CDHR1: variants seen among roughly 807,000 people sequenced by gnomAD.
CDHR1 encodes the protein cadherin related family member 1.
In CDHR1, 61 loss-of-function variants were observed where a neutral mutation model predicts 72.1. That is an observed-to-expected ratio of 0.85 (90% CI 0.69 to 1.05). The LOEUF (loss-of-function observed/expected upper bound fraction) is 1.05, where lower values mean the gene tolerates loss of function less well. CDHR1 is among the 50% of genes least tolerant of loss of function. The pLI is 0.00. For synonymous variants in CDHR1, 470 were observed against 448.1 expected, an observed-to-expected ratio of 1.05 and a Z score of -0.62; for missense variants, 1,186 against 1,115.7, an observed-to-expected ratio of 1.06 and a Z score of -0.90.
intron 9 of CDHR1, among the ~76,000 whole-genome samples, chr10:84,205,020 G>A (rs1439950219): frequency 6.6e-6 from 1 of 152,198 alleles, no homozygotes; most frequent in Non-Finnish European, 1.5e-5. Flanking sequence ...TCTCCCTAGT[G>A]CTAGCCCTAT....
chr10:84,205,140 C>G (rs1356924187), intron 9 of CDHR1, among the ~76,000 whole-genome samples: 1 of 152,174 alleles, frequency 6.6e-6, no homozygotes, highest in Non-Finnish European at 1.5e-5. Context: ...CTTCCCACAG[C>G]TGGGCAGCAA....
At chr10:84,210,217 TTTTTTGTTTTTTTTGTTTTTG>T (rs1302771687) in intron 12 of CDHR1, among the ~76,000 whole-genome samples, 15 of 151,976 alleles carry the variant, frequency 9.9e-5, no homozygotes, top group Non-Finnish European at 2.2e-4. Flanking sequence ...AAGACTCGTT[TTTTTTGTTTTTTTTGTTTTTG>T]TTTTTGTTTT....
chr10:84,203,955 T>G (rs576566631), intron 8 of CDHR1, among the ~76,000 whole-genome samples: 23 of 151,176 alleles, frequency 1.5e-4, no homozygotes, highest in South Asian at 1.1e-3. Context: ...TAGCCTGGAG[T>G]TGACCAGAGA....
At chr10:84,202,032 C>T (rs1022440260) in intron 7 of CDHR1, 112 bp downstream of exon 7, 16 of 798,290 alleles carry the variant, frequency 2.0e-5, no homozygotes, top group Middle Eastern at 2.2e-4. Flanking sequence ...ACATGATGGG[C>T]GTGGGGAAAT....
In CDHR1 at chr10:84,200,655, G is replaced by A. The variant is rs765592663; in HGVS notation, c.493G>A (p.Gly165Ser). 5 of 1,612,290 alleles carry A rather than the reference G, an allele frequency of 3.1e-6. No individual in the cohort carries two copies. Among genetic ancestry groups the A allele is most frequent in the Non-Finnish European group, 4.2e-6 (5 of 1,179,240 alleles). Reference protein sequence around the residue: ...FKVHAVDRDTGSGGSVTYFLQ... With the variant: ...FKVHAVDRDTSSGGSVTYFLQ... ...GGTCCATGCAGTGGACAGGGACACA[G>A]GCTCTGGAGGGAGTGTCACCTACTT... Residue 165 changes from glycine (G) to serine (S), a missense_variant, in exon 6 of 17, where the codon GGC becomes AGC. Transcript: ENST00000623527.
rs1447793218 is a variant in CDHR1 at position 84,194,669 on chromosome 10, T to C, written c.-92T>C. 2.0e-6 allele frequency: 2 copies of C among 1,014,318 alleles called. No homozygotes were observed. The highest frequency in any genetic ancestry group is 4.0e-5 in the Admixed American group (1 of 25,140). The allele number at this position is 1,014,318 out of a possible 1,614,324, so 62.8% of individuals were successfully genotyped here. A position where few individuals can be genotyped will look rare whatever the true frequency, so the allele number is the denominator to read the frequency against. ...GCTGCAGTCGCCGCTACCCCCATTG[T>C]GGTCTCTGCCCTCCCCGCGGGCCCA... On this transcript the variant is annotated 5_prime_UTR_variant, in exon 1 of 17. Transcript: ENST00000623527.
chr10:84,200,854 C>A lies in CDHR1; in HGVS notation c.525+167C>A, dbSNP rs571162149. 2.6e-5 allele frequency among the ~76,000 whole-genome samples: 4 copies of A among 152,294 alleles called. No homozygotes were observed. In the South Asian group the frequency reaches 8.3e-4, roughly 32 times the overall value. The stretch of plus-strand genomic sequence containing the variant: ...GGGATGTGAGAGGGACAGAAGCCTT[C>A]TTCCCCTGATGGGCCCATCCTGGCG... On this transcript the variant is annotated intron_variant, in intron 6 of 16. Transcript: ENST00000623527.
At chr10:84,205,529 C>G (rs1842208602) in intron 9 of CDHR1, among the ~76,000 whole-genome samples, 1 of 151,500 alleles carries the variant, frequency 6.6e-6, no homozygotes, top group South Asian at 2.1e-4. Context: ...CACACACACA[C>G]ACACACACAC....
Position 84,218,373 on chromosome 10 carries a change from TTGAG to T in CDHR1, c.*3753_*3756del, listed in dbSNP as rs1283498176. ...ATAAAATCGTGCACATGTACCCCTT[TTGAG>T]GCCTGAATGAGGTTCGGTTATTTAT... On this transcript the variant is annotated 3_prime_UTR_variant, in exon 17 of 17. Coordinates refer to ENST00000623527, the MANE Select transcript of CDHR1 (RefSeq NM_033100.4). 2.0e-6 allele frequency: 2 copies of T among 985,344 alleles called. No individual in the cohort carries two copies. Among genetic ancestry groups the T allele is most frequent in the Admixed American group, 1.2e-4 (2 of 16,268 alleles). The allele number at this position is 985,344 out of a possible 1,614,324, so 61.0% of individuals were successfully genotyped here.
Position 84,208,385 on chromosome 10 carries a change from G to T in CDHR1, c.1167+8G>T, listed in dbSNP as rs985435988. The T allele has an allele frequency of 1.9e-6, 3 of 1,613,922 alleles. No individual in the cohort carries two copies. The highest frequency in any genetic ancestry group is 1.7e-5 in the Admixed American group (1 of 60,000). Reference sequence around the variant, plus strand: ...GTCAATGACTCCGACCAGGTGTGTGGTCCTGCCCTCCGCTCTGCCTTCTCA... The same window carrying T: ...GTCAATGACTCCGACCAGGTGTGTGTTCCTGCCCTCCGCTCTGCCTTCTCA... On this transcript the variant is annotated splice_region_variant and intron_variant, in intron 11 of 16. Transcript: ENST00000623527.
intron 16 of CDHR1, among the ~76,000 whole-genome samples, chr10:84,213,617 T>C (rs182801860): frequency 9.8e-4 from 150 of 152,316 alleles, no homozygotes; most frequent in African/African-American, 3.5e-3. Flanking sequence ...CACACGGGTG[T>C]TGAAAAGCAG....
intron 5 of CDHR1, among the ~76,000 whole-genome samples, chr10:84,200,343 G>GT (rs1448393230): frequency 2.0e-5 from 3 of 152,100 alleles, no homozygotes; most frequent in Non-Finnish European, 2.9e-5. Flanking sequence ...TGGGGTCTTG[G>GT]TTTTTTTCTT....
rs772339499 is a variant in CDHR1 at position 84,214,609 on chromosome 10, G to A, written c.2568G>A (p.Lys856=). ...TTGAGAAGAAGAGTGTGCACAACAA[G>A]GCTTACTTCTAGTGTATGCCCTATG... ...QKFEKKSVHN[K]AYF is the part of the protein sequence containing the mutation. Residue 856 remains lysine (K), a synonymous_variant, in exon 17 of 17, where the codon AAG becomes AAA. Coordinates refer to ENST00000623527, the MANE Select transcript of CDHR1 (RefSeq NM_033100.4). The A allele has an allele frequency of 1.9e-6, 3 of 1,599,668 alleles. No individual in the cohort carries two copies. Among genetic ancestry groups the A allele is most frequent in the Non-Finnish European group, 2.5e-6 (3 of 1,179,916 alleles).
Position 84,204,386 on chromosome 10 carries a change from G to A in CDHR1, c.784-141G>A, listed in dbSNP as rs566046009. 3.5e-5 allele frequency: 24 copies of A among 686,440 alleles called. No homozygotes were observed. In the East Asian group the frequency reaches 6.2e-4, roughly 18 times the overall value. 42.5% of individuals were successfully genotyped at this position (686,440 alleles called of 1,614,324 possible). ...TTCGATCCCCCTGCAGAGGAGAGTA[G>A]GGCCATGCTCCACCGCCACGTAGAG... is the stretch of plus-strand genomic sequence containing the variant. On this transcript the variant is annotated intron_variant, in intron 8 of 16. Transcript: ENST00000623527.
At chr10:84,200,170 CAAAA>C (rs10583938) in intron 5 of CDHR1, among the ~76,000 whole-genome samples, 452 of 134,428 alleles carry the variant, frequency 3.4e-3, no homozygotes, top group Non-Finnish European at 4.4e-3. Flanking sequence ...AGCTCCATCT[CAAAA>C]AAAAAAAAAA....
intron 2 of CDHR1, among the ~76,000 whole-genome samples, 168 bp downstream of exon 2, chr10:84,195,757 A>G (rs984362313): frequency 1.3e-5 from 2 of 152,216 alleles, no homozygotes; most frequent in African/African-American, 4.8e-5. Context: ...CATTGCTGCC[A>G]TGGCGACTTA....
Position 84,210,851 on chromosome 10 carries a change from A to G in CDHR1, c.1321-150A>G, listed in dbSNP as rs7073864. The G allele has an allele frequency of 7.6e-3, 6,379 of 833,986 alleles. 244 individuals carry two copies. The African/African-American group carries it at 0.087, about 11-fold the overall frequency. The allele number at this position is 833,986 out of a possible 1,614,324, so 51.7% of individuals were successfully genotyped here. A position where few individuals can be genotyped will look rare whatever the true frequency, so the allele number is the denominator to read the frequency against. On this transcript the variant is annotated intron_variant, in intron 12 of 16. Coordinates refer to ENST00000623527, the MANE Select transcript of CDHR1 (RefSeq NM_033100.4). ...GGGAAGATGCCAGGCCTTAGAGGTGACCCTTACAGGAATAGCTGGTTGGCA... is the reference window on the plus strand; with the variant it reads ...GGGAAGATGCCAGGCCTTAGAGGTGGCCCTTACAGGAATAGCTGGTTGGCA...
intron 10 of CDHR1, among the ~76,000 whole-genome samples, chr10:84,206,976 A>T (rs1842237871): frequency 6.6e-6 from 1 of 152,150 alleles, no homozygotes; most frequent in South Asian, 2.1e-4. Context: ...AGGGAAAGGG[A>T]TGGGAGAGGG....
chr10:84,205,613 A>C, intron 9 of CDHR1: 1 of 620,732 alleles, frequency 1.6e-6, no homozygotes, highest in Non-Finnish European at 2.9e-6. Context: ...GGAGCTGGAC[A>C]GAAGTGAGTT....
Sources: gnomAD v4.1 joint callset for allele counts (sites outside exome capture counted in the v4.1 genomes callset) on GRCh38, gnomAD v4.1.1 for gene constraint, MANE v1.5 for transcripts, NCBI Gene and HGNC (gene_info 2026-07-23, HGNC 2026-07-21) for gene names.